Variants in CLEC2L observed in about 807,000 individuals in gnomAD.
The protein encoded by CLEC2L is C-type lectin domain family 2 member L, also known as C-type lectin domain family 2, member L.
Under a neutral mutation model 23.6 loss-of-function variants are expected in CLEC2L, and 14 were observed. That is an observed-to-expected ratio of 0.59 (90% CI 0.39 to 0.93). CLEC2L has a LOEUF of 0.93. Ranked by LOEUF, CLEC2L falls within the 40% of genes least tolerant of loss-of-function variation. CLEC2L has a pLI of 0.00. For synonymous variants in CLEC2L, 114 were observed against 121.3 expected, an observed-to-expected ratio of 0.94 and a Z score of 0.40; for missense variants, 264 against 282.4, an observed-to-expected ratio of 0.93 and a Z score of 0.47.
At chr7:139,538,279 A>G (rs913949162) in intron 2 of CLEC2L, among the ~76,000 whole-genome samples, 1 of 151,080 alleles carries the variant, frequency 6.6e-6, no homozygotes, top group Non-Finnish European at 1.5e-5. Flanking sequence ...CTAAAAATAC[A>G]AAAATTAGCT....
intron 4 of CLEC2L, among the ~76,000 whole-genome samples, chr7:139,542,759 G>A (rs1797755510): frequency 6.6e-6 from 1 of 152,218 alleles, no homozygotes; most frequent in South Asian, 2.1e-4. Context: ...GTGAGTGTGT[G>A]ATGCCAGGTC....
At chr7:139,528,633 G>A (rs1229518941) in intron 1 of CLEC2L, among the ~76,000 whole-genome samples, 4 of 152,152 alleles carry the variant, frequency 2.6e-5, no homozygotes, top group Non-Finnish European at 5.9e-5. Context: ...TCCCTCCCAT[G>A]ACACATGGGA....
At chr7:139,526,863 C>G (rs1797514058) in intron 1 of CLEC2L, among the ~76,000 whole-genome samples, 1 of 152,228 alleles carries the variant, frequency 6.6e-6, no homozygotes, top group Non-Finnish European at 1.5e-5. Context: ...GTCAGCCTCC[C>G]TTGATTCTGC....
intron 1 of CLEC2L, among the ~76,000 whole-genome samples, chr7:139,529,518 T>C (rs1242893908): frequency 6.6e-6 from 1 of 152,148 alleles, no homozygotes; most frequent in African/African-American, 2.4e-5. Context: ...TAGGCAGCCA[T>C]CGTGTAGCTC....
chr7:139,523,772 G>A lies in CLEC2L; in HGVS notation c.-156G>A. On this transcript the variant is annotated 5_prime_UTR_variant, in exon 1 of 5. Transcript: ENST00000422142. This position sits in a 1 kb window ranked among gnomAD's most constrained non-coding sequence, Gnocchi z 4.1. ...CCCGGCGCAGAGGCTCCAGCGCGGG[G>A]AGCCGGGCTCAGCCCCGGCCTGCCA... 2 of 338,062 alleles carry A rather than the reference G, an allele frequency of 5.9e-6. No homozygotes were observed. The highest frequency in any genetic ancestry group is 8.3e-6 in the Non-Finnish European group (2 of 239,524). The allele number at this position is 338,062 out of a possible 1,614,324, so 20.9% of individuals were successfully genotyped here.
intron 1 of CLEC2L, among the ~76,000 whole-genome samples, chr7:139,535,271 G>T: frequency 6.6e-6 from 1 of 152,212 alleles, no homozygotes; most frequent in East Asian, 1.9e-4. Flanking sequence ...AAAGGAACCA[G>T]ACACAAAAGG....
At chr7:139,527,532 C>A (rs957451136) in intron 1 of CLEC2L, among the ~76,000 whole-genome samples, 9 of 152,166 alleles carry the variant, frequency 5.9e-5, no homozygotes, top group Admixed American at 5.2e-4. Context: ...TTAATCAAGT[C>A]TTTTCTCTCG....
intron 4 of CLEC2L, among the ~76,000 whole-genome samples, chr7:139,543,408 C>T (rs957354518): frequency 6.6e-6 from 1 of 152,230 alleles, no homozygotes; most frequent in African/African-American, 2.4e-5. Context: ...ACCTGACAAC[C>T]AAGGGGCCGT....
chr7:139,538,979 T>C (rs1797698967), intron 2 of CLEC2L, among the ~76,000 whole-genome samples: 1 of 152,184 alleles, frequency 6.6e-6, no homozygotes, highest in Non-Finnish European at 1.5e-5. Flanking sequence ...AGCCACACCA[T>C]GGTCAGTACT....
chr7:139,532,238 A>G (rs1797591966), intron 1 of CLEC2L, among the ~76,000 whole-genome samples: 2 of 152,200 alleles, frequency 1.3e-5, no homozygotes, highest in African/African-American at 4.8e-5. Flanking sequence ...TCACAATTCC[A>G]TGGGCAACAT....
At chr7:139,531,582 TG>T (rs1314315564) in intron 1 of CLEC2L, among the ~76,000 whole-genome samples, 2 of 152,008 alleles carry the variant, frequency 1.3e-5, no homozygotes, top group African/African-American at 4.8e-5. Context: ...AAACAAAACA[TG>T]GAAGAGAAGA....
intron 2 of CLEC2L, among the ~76,000 whole-genome samples, chr7:139,537,875 G>C (rs983366851): frequency 6.6e-5 from 10 of 152,182 alleles, no homozygotes; most frequent in African/African-American, 2.4e-4. Context: ...AAATGAAAAA[G>C]GTAGAAACTG....
At chr7:139,524,696 G>A (rs1797481612) in intron 1 of CLEC2L, among the ~76,000 whole-genome samples, 1 of 152,210 alleles carries the variant, frequency 6.6e-6, no homozygotes, top group South Asian at 2.1e-4. Context: ...TGCCTCCGGG[G>A]CAGTAACCCA....
rs1797700291 is a variant in CLEC2L, at chr7:139,539,095, G to A, written c.266-1226G>A. 1 of 152,110 alleles carries A rather than the reference G, an allele frequency of 6.6e-6. No individual in the cohort carries two copies. The highest frequency in any genetic ancestry group is 1.5e-5 in the Non-Finnish European group (1 of 68,040). 9.4% of individuals were successfully genotyped at this position (152,110 alleles called of 1,614,324 possible). A position where few individuals can be genotyped will look rare whatever the true frequency, so the allele number is the denominator to read the frequency against. On this transcript the variant is annotated intron_variant, in intron 2 of 4. Coordinates refer to ENST00000422142, the MANE Select transcript of CLEC2L (RefSeq NM_001080511.4). This position sits in a 1 kb window ranked among gnomAD's most constrained non-coding sequence, Gnocchi z 4.1. ...GATCCCCAGGGGCTTGAGTACCAGAGGCCTGTTCTTGGCTCTGTCCTGGTC... is the reference window on the plus strand; with the variant it reads ...GATCCCCAGGGGCTTGAGTACCAGAAGCCTGTTCTTGGCTCTGTCCTGGTC...
chr7:139,534,597 C>G, intron 1 of CLEC2L: 3 of 719,040 alleles, frequency 4.2e-6, no homozygotes, highest in Non-Finnish European at 7.6e-6. Flanking sequence ...GGGCTTGGAA[C>G]ACAGGTGAGT....
At chr7:139,538,762 AAAACAAAAC>A (rs376227715) in intron 2 of CLEC2L, among the ~76,000 whole-genome samples, 3,739 of 45,384 alleles carry the variant, frequency 0.082, 136 homozygotes, top group African/African-American at 0.29. Flanking sequence ...AAAACAAAAC[AAAACAAAAC>A]AAACAAACAA....
rs1569427891 is a variant in CLEC2L at position 139,539,953 on chromosome 7, C to T, written c.266-368C>T. 1 of 226,148 alleles carries T rather than the reference C, an allele frequency of 4.4e-6. No individual in the cohort carries two copies. The highest frequency in any genetic ancestry group is 8.7e-6 in the Non-Finnish European group (1 of 114,666). The allele number at this position is 226,148 out of a possible 1,614,324, so 14.0% of individuals were successfully genotyped here. On this transcript the variant is annotated intron_variant, in intron 2 of 4. Transcript: ENST00000422142. This position sits in a 1 kb window ranked among gnomAD's most constrained non-coding sequence, Gnocchi z 4.1. ...CTAACATGGGCATGGTTAATGACAG[C>T]GGGCAGTCTGTCCTGCTGTTGGTAC...
intron 1 of CLEC2L, among the ~76,000 whole-genome samples, chr7:139,535,930 G>A (rs1797647504): frequency 6.6e-6 from 1 of 152,240 alleles, no homozygotes; most frequent in Non-Finnish European, 1.5e-5. Context: ...TTCAAGCCAG[G>A]GAGTCACAGA....
Position 139,540,297 on chromosome 7 carries a change from G to C in CLEC2L, c.266-24G>C. The stretch of plus-strand genomic sequence containing the variant: ...GACTCGGGCTGGGGGGGCGGGCAGG[G>C]CCGAGCTGGTCTCTTCCCTGCAGCT... On this transcript the variant is annotated intron_variant, in intron 2 of 4. Coordinates refer to ENST00000422142, the MANE Select transcript of CLEC2L (RefSeq NM_001080511.4). This position sits in a 1 kb window ranked among gnomAD's most constrained non-coding sequence, Gnocchi z 5.8. The C allele has an allele frequency of 6.3e-7, 1 of 1,586,458 alleles. No individual in the cohort carries two copies. Among genetic ancestry groups the C allele is most frequent in the Non-Finnish European group, 8.6e-7 (1 of 1,165,910 alleles).
Sources: allele counts gnomAD v4.1 joint callset (sites outside exome capture counted in the v4.1 genomes callset), GRCh38; gene constraint gnomAD v4.1.1; non-coding constraint Gnocchi (gnomAD v3.1); transcripts MANE v1.5; gene names NCBI Gene and HGNC (gene_info 2026-07-23, HGNC 2026-07-21).